Variants in NUDCD1 observed in about 807,000 individuals in gnomAD.
The protein encoded by NUDCD1 is nudC domain-containing protein 1.
NUDCD1 carries 60 observed loss-of-function variants against 67.8 expected under a neutral mutation model. That is an observed-to-expected ratio of 0.88 (90% CI 0.72 to 1.10). The LOEUF is 1.10. NUDCD1 is among the 50% of genes least tolerant of loss of function. The pLI is 0.00. For synonymous variants in NUDCD1, 244 were observed against 230.8 expected, an observed-to-expected ratio of 1.06 and a Z score of -0.52; for missense variants, 643 against 695.0, an observed-to-expected ratio of 0.93 and a Z score of 0.84.
intron 6 of NUDCD1, among the ~76,000 whole-genome samples, chr8:109,279,496 TG>T (rs35160280): frequency 0.41 from 61,636 of 152,078 alleles, 12,753 homozygotes; most frequent in South Asian, 0.5. Context: ...GAAAGTCCTT[TG>T]GTTTAAGATG....
rs933678664 is a variant in NUDCD1, at chr8:109,279,070, C to G, written c.1028+1898G>C. Among the ~76,000 whole-genome samples, 6 of 152,200 alleles carry G rather than the reference C, an allele frequency of 3.9e-5. No individual in the cohort carries two copies. In the East Asian group the frequency reaches 5.8e-4, roughly 15 times the overall value. On this transcript the variant is annotated intron_variant, in intron 6 of 9. Coordinates refer to ENST00000239690, the MANE Select transcript of NUDCD1 (RefSeq NM_032869.4). ...TGCCACTGCACTCCATCCTGGGCAA[C>G]AGAGTGAGACCCTGTCTCAGAAAAA...
At chr8:109,258,869 T>C (rs1813800952) in intron 8 of NUDCD1, among the ~76,000 whole-genome samples, 1 of 152,174 alleles carries the variant, frequency 6.6e-6, no homozygotes, top group South Asian at 2.1e-4. Context: ...ATTAAAGACT[T>C]CTGCACATAA....
chr8:109,282,551 A>C (rs1253669133), intron 5 of NUDCD1, among the ~76,000 whole-genome samples: 1 of 152,190 alleles, frequency 6.6e-6, no homozygotes, highest in African/African-American at 2.4e-5. Context: ...ATATTATAAA[A>C]ATTTGAAGTG....
intron 8 of NUDCD1, among the ~76,000 whole-genome samples, chr8:109,262,018 C>CA (rs1016990081): frequency 2.1e-4 from 31 of 148,940 alleles, no homozygotes; most frequent in East Asian, 2.0e-4. Context: ...ACTGTTGCAA[C>CA]AAAAAAAAAC....
chr8:109,318,590 A>T (rs1586307511), intron 2 of NUDCD1, among the ~76,000 whole-genome samples: 1 of 149,614 alleles, frequency 6.7e-6, no homozygotes, highest in African/African-American at 2.4e-5. Context: ...AAAAGCAACT[A>T]ATATCTAAGA....
intron 3 of NUDCD1, among the ~76,000 whole-genome samples, chr8:109,295,933 A>G (rs536258835): frequency 1.9e-4 from 29 of 152,286 alleles, no homozygotes; most frequent in African/African-American, 3.4e-4. Flanking sequence ...AAATTGGCAT[A>G]TAACTATATA....
Position 109,242,414 on chromosome 8 carries a change from T to C in NUDCD1, c.*595A>G. The C allele has an allele frequency of 6.2e-6, 2 of 324,652 alleles. No homozygotes were observed. The highest frequency in any genetic ancestry group is 1.1e-5 in the Non-Finnish European group (2 of 180,304). 20.1% of individuals were successfully genotyped at this position (324,652 alleles called of 1,614,324 possible). ...GTTTGTTATGCAGTGATGGATAATG[T>C]GAAATCTTATCTCTCTTTGTCTATG... On this transcript the variant is annotated 3_prime_UTR_variant, in exon 10 of 10. Coordinates refer to ENST00000239690, the MANE Select transcript of NUDCD1 (RefSeq NM_032869.4).
intron 5 of NUDCD1, among the ~76,000 whole-genome samples, chr8:109,286,713 G>A (rs1051391642): frequency 2.0e-5 from 3 of 152,070 alleles, no homozygotes; most frequent in Non-Finnish European, 2.9e-5. Context: ...TGTGGACACT[G>A]GCCTTGAGAA....
intron 1 of NUDCD1, among the ~76,000 whole-genome samples, chr8:109,331,186 T>C (rs922254843): frequency 1.3e-5 from 2 of 151,942 alleles, no homozygotes; most frequent in African/African-American, 4.8e-5. Flanking sequence ...AATACAAAAA[T>C]TAGCTGGGCT....
chr8:109,288,936 C>T (rs1390409423), intron 5 of NUDCD1, among the ~76,000 whole-genome samples: 1 of 151,266 alleles, frequency 6.6e-6, no homozygotes, highest in African/African-American at 2.4e-5. Context: ...AATGTCTGTT[C>T]TTTATATACA....
chr8:109,313,703 A>G, intron 2 of NUDCD1: 1 of 440,306 alleles, frequency 2.3e-6, no homozygotes, highest in South Asian at 1.7e-5. Flanking sequence ...CTAATAAACC[A>G]TTACTGGGAA....
At chr8:109,284,381 G>A (rs941083078) in intron 5 of NUDCD1, among the ~76,000 whole-genome samples, 1 of 151,942 alleles carries the variant, frequency 6.6e-6, no homozygotes, top group African/African-American at 2.4e-5. Context: ...AGATCATCAA[G>A]GTAGAAAACT....
At chr8:109,261,614 G>T (rs1813864447) in intron 8 of NUDCD1, among the ~76,000 whole-genome samples, 2 of 151,374 alleles carry the variant, frequency 1.3e-5, no homozygotes, top group South Asian at 4.2e-4. Flanking sequence ...TGCTTTCTTG[G>T]GCAAGAGGAA....
In NUDCD1 at chr8:109,275,498, T is replaced by C. The variant is rs1286727978; in HGVS notation, c.1029-2A>G. ...TTCTTAATCAAGGAAATCTCCAAGCTAGAAGTTTAAATGGGAAAAGTAATG... is the reference window on the plus strand; with the variant it reads ...TTCTTAATCAAGGAAATCTCCAAGCCAGAAGTTTAAATGGGAAAAGTAATG... On this transcript the variant is annotated splice_acceptor_variant, in intron 6 of 9. Coordinates refer to ENST00000239690, the MANE Select transcript of NUDCD1 (RefSeq NM_032869.4). LOFTEE classifies it high-confidence loss of function. The C allele has an allele frequency of 3.1e-6, 5 of 1,607,834 alleles. No individual in the cohort carries two copies. Among genetic ancestry groups the C allele is most frequent in the Non-Finnish European group, 4.2e-6 (5 of 1,177,202 alleles).
chr8:109,253,078 A>C (rs1044109948), intron 8 of NUDCD1, among the ~76,000 whole-genome samples: 1 of 152,206 alleles, frequency 6.6e-6, no homozygotes, highest in African/African-American at 2.4e-5. Context: ...AAGGGTTGGC[A>C]TCTAATCCAA....
rs3134470 is a variant in NUDCD1, at chr8:109,247,781, G to C, written c.1300-2300C>G. On this transcript the variant is annotated intron_variant, in intron 8 of 9. Coordinates refer to ENST00000239690, the MANE Select transcript of NUDCD1 (RefSeq NM_032869.4). Reference sequence around the variant, plus strand: ...ACTCTCGTGGTTATATGAGCTGCTTGAATTCTGAGAACTCCAGCATCATGT... The same window carrying C: ...ACTCTCGTGGTTATATGAGCTGCTTCAATTCTGAGAACTCCAGCATCATGT... Among the ~76,000 whole-genome samples, 654 of 152,220 alleles carry C rather than the reference G, an allele frequency of 4.3e-3. 9 individuals are homozygous for C. The East Asian group carries it at 0.055, about 13-fold the overall frequency.
chr8:109,278,934 T>C (rs1054064291), intron 6 of NUDCD1, among the ~76,000 whole-genome samples: 1 of 152,138 alleles, frequency 6.6e-6, no homozygotes, highest in African/African-American at 2.4e-5. Context: ...ATCCTAGCAC[T>C]TTGGGAGGTC....
At chr8:109,243,598 T>C (rs565729071) in intron 9 of NUDCD1, among the ~76,000 whole-genome samples, 3 of 152,174 alleles carry the variant, frequency 2.0e-5, no homozygotes, top group Non-Finnish European at 4.4e-5. Flanking sequence ...ACACTAAAAT[T>C]CTAAAATCTA....
chr8:109,320,009 C>T (rs1003301757), intron 2 of NUDCD1, among the ~76,000 whole-genome samples: 2 of 152,098 alleles, frequency 1.3e-5, no homozygotes, highest in East Asian at 3.9e-4. Flanking sequence ...AGGGAGTGTG[C>T]GAATAGGTGT....
Sources: allele counts gnomAD v4.1 joint callset (sites outside exome capture counted in the v4.1 genomes callset), GRCh38; gene constraint gnomAD v4.1.1; transcripts MANE v1.5; gene names NCBI Gene and HGNC (gene_info 2026-07-23, HGNC 2026-07-21).